The following MTREX variants were observed in gnomAD, a reference collection of about 807,000 sequenced individuals.
MTREX encodes exosome RNA helicase MTR4.
In MTREX, 76 loss-of-function variants were observed where a neutral mutation model predicts 135.4. The ratio of observed to expected loss-of-function variants is 0.56; its 90% CI spans 0.47 to 0.68. MTREX has a LOEUF of 0.68. MTREX is among the 30% of genes least tolerant of loss of function. The probability of loss-of-function intolerance (pLI) is 0.00; values close to 1 mark genes in which losing one functional copy is unlikely to be tolerated. For missense variants in MTREX, 920 were observed against 1,262.1 expected, an observed-to-expected ratio of 0.73 and a Z score of 4.11; for synonymous variants, 404 against 401.6, an observed-to-expected ratio of 1.01 and a Z score of -0.07.
intron 18 of MTREX, among the ~76,000 whole-genome samples, chr5:55,383,583 T>C (rs1750432029): frequency 6.6e-6 from 1 of 152,226 alleles, no homozygotes; most frequent in Non-Finnish European, 1.5e-5. Flanking sequence ...TTTTTTTCTC[T>C]TGCTGCTTTA....
chr5:55,364,064 G>C (rs369191452), intron 15 of MTREX, among the ~76,000 whole-genome samples: 1 of 152,190 alleles, frequency 6.6e-6, no homozygotes, highest in African/African-American at 2.4e-5. Context: ...CTTTATGGAG[G>C]AATGTAGGTG....
intron 3 of MTREX, among the ~76,000 whole-genome samples, chr5:55,325,118 A>C (rs912399329): frequency 5.1e-4 from 77 of 152,198 alleles, no homozygotes; most frequent in Non-Finnish European, 6.9e-4. Flanking sequence ...TATTATAAAC[A>C]TTATAGCAAG....
intron 5 of MTREX, among the ~76,000 whole-genome samples, chr5:55,330,166 A>G (rs184984121): frequency 4.6e-4 from 70 of 151,918 alleles, no homozygotes; most frequent in African/African-American, 1.5e-3. Flanking sequence ...TGCATTCTCA[A>G]ACTTGTGGGC....
chr5:55,348,609 A>C (rs1749776077), intron 11 of MTREX, among the ~76,000 whole-genome samples: 1 of 152,220 alleles, frequency 6.6e-6, no homozygotes, highest in Admixed American at 6.5e-5. Flanking sequence ...TGCATTTTAA[A>C]GCTAATTCCT....
chr5:55,424,164 A>T (rs573309041), intron 26 of MTREX: 3 of 152,154 alleles, frequency 2.0e-5, no homozygotes, highest in Admixed American at 6.5e-5. Context: ...GTGGAGACAG[A>T]GTTTCGCTCT....
At chr5:55,341,190 C>G (rs959407627) in intron 6 of MTREX, among the ~76,000 whole-genome samples, 1 of 152,024 alleles carries the variant, frequency 6.6e-6, no homozygotes, top group Admixed American at 6.6e-5. Flanking sequence ...TCATTAACTC[C>G]AAAAATTAGG....
chr5:55,394,498 C>T (rs1018671739), intron 19 of MTREX, among the ~76,000 whole-genome samples: 1 of 152,186 alleles, frequency 6.6e-6, no homozygotes, highest in African/African-American at 2.4e-5. Flanking sequence ...TGTCCCACCT[C>T]AGGTCATCAG....
At chr5:55,375,561 C>G (rs1219848623) in intron 16 of MTREX, among the ~76,000 whole-genome samples, 1 of 152,050 alleles carries the variant, frequency 6.6e-6, no homozygotes, top group Non-Finnish European at 1.5e-5. Context: ...GTTCTTTTTT[C>G]AAGGTGCCCA....
Position 55,402,820 on chromosome 5 carries a change from A to ATGTGTG in MTREX, c.2481+2400_2481+2401insGTGTGT, listed in dbSNP as rs1301938800. On this transcript the variant is annotated intron_variant, in intron 21 of 26. Transcript: ENST00000230640. The stretch of plus-strand genomic sequence containing the variant: ...CATGATATATAAATATAAGCACATT[A>ATGTGTG]TATGTGTGTGTGTGTGTGTGTATGT... Among the ~76,000 whole-genome samples, 320 of 33,804 alleles carry ATGTGTG rather than the reference A, an allele frequency of 9.5e-3. 2 individuals are homozygous for ATGTGTG. Among genetic ancestry groups the ATGTGTG allele is most frequent in the Admixed American group, 0.031 (68 of 2,218 alleles). 22.2% of individuals were successfully genotyped at this position (33,804 alleles called of 152,430 possible).
chr5:55,325,345 T>TG (rs988509534), intron 3 of MTREX, among the ~76,000 whole-genome samples: 26 of 150,488 alleles, frequency 1.7e-4, no homozygotes, highest in Admixed American at 1.4e-3. Context: ...TTTTGTTTTT[T>TG]TTTTTTTTAA....
In MTREX at chr5:55,416,008, C is replaced by T. The variant is rs1750960477; in HGVS notation, c.2847C>T (p.Ala949=). 1 of 1,595,108 alleles carries T rather than the reference C, an allele frequency of 6.3e-7. No homozygotes were observed. Among genetic ancestry groups the T allele is most frequent in the African/African-American group, 1.4e-5 (1 of 73,404 alleles). The change falls in exon 25 of 27, where the codon GCC becomes GCT. Residue 949 remains alanine, a synonymous_variant. Transcript: ENST00000230640. ...GAATTGCAAAAGTTTCAGCAGAAGC[C>T]AAATTGGAAATTGATGAGGAAACTT... ...AKRIAKVSAE[A]KLEIDEETYL...
intron 1 of MTREX, among the ~76,000 whole-genome samples, chr5:55,309,221 G>A (rs778522719): frequency 6.6e-6 from 1 of 152,148 alleles, no homozygotes; most frequent in Non-Finnish European, 1.5e-5. Context: ...CAAGAGATAA[G>A]ACTGGGAATA....
At chr5:55,368,294 C>CA (rs554064389) in intron 16 of MTREX, among the ~76,000 whole-genome samples, 2 of 151,610 alleles carry the variant, frequency 1.3e-5, no homozygotes, top group African/African-American at 2.4e-5. Flanking sequence ...ACTAAAAATA[C>CA]AAAAAAATTA....
At position 55,345,175 on chromosome 5, in the gene MTREX, G is replaced by A; in HGVS notation, c.1087G>A (p.Gly363Arg). ...TGATTTGGCCAAAGGAGACCAGAAA[G>A]GGCGGAAAGGAGGAACAAAAGGTAA... Reference protein sequence around the residue: ...AGDLAKGDQKGRKGGTKGPSN... With the variant: ...AGDLAKGDQKRRKGGTKGPSN... The change falls in exon 10 of 27, where the codon GGG (glycine) becomes AGG (arginine). Residue 363 changes from glycine to arginine, a missense_variant. This residue lies in a region of MTREX where 101 missense variants were observed against 119.1 expected (regional missense o/e 0.85). Transcript: ENST00000230640. The A allele has an allele frequency of 6.2e-7, 1 of 1,611,448 alleles. No homozygotes were observed. The highest frequency in any genetic ancestry group is 8.5e-7 in the Non-Finnish European group (1 of 1,177,998).
intron 21 of MTREX, among the ~76,000 whole-genome samples, chr5:55,403,459 A>G (rs1194575439): frequency 6.6e-6 from 1 of 152,248 alleles, no homozygotes; most frequent in Non-Finnish European, 1.5e-5. Flanking sequence ...AACTTCAGTA[A>G]TATTTTTATT....
chr5:55,312,869 G>T (rs1749137022), intron 1 of MTREX, among the ~76,000 whole-genome samples: 1 of 152,002 alleles, frequency 6.6e-6, no homozygotes, highest in Non-Finnish European at 1.5e-5. Flanking sequence ...GGATTTTCTG[G>T]ACTCACTATA....
rs548637073 is a variant in MTREX at position 55,337,161 on chromosome 5, A to G, written c.516-2849A>G. Among the ~76,000 whole-genome samples, 28 of 152,128 alleles carry G rather than the reference A, an allele frequency of 1.8e-4. No homozygotes were observed. In the South Asian group the frequency reaches 1.9e-3, roughly 10 times the overall value. On this transcript the variant is annotated intron_variant, in intron 5 of 26. Transcript: ENST00000230640. The stretch of plus-strand genomic sequence containing the variant: ...TTTATGAGACAGGGTCTTGCTGTCA[A>G]CCGGGTTGGAATGCAATGGCATAAT...
At chr5:55,366,686 T>G in intron 15 of MTREX, 39 bp from the exon 16 acceptor site, 1 of 1,474,580 alleles carries the variant, frequency 6.8e-7, no homozygotes, top group Non-Finnish European at 9.0e-7. Flanking sequence ...GTAAATTTAT[T>G]TGGAAAACTA....
At chr5:55,348,339 C>T (rs906428191) in intron 11 of MTREX, among the ~76,000 whole-genome samples, 1 of 152,136 alleles carries the variant, frequency 6.6e-6, no homozygotes, top group Non-Finnish European at 1.5e-5. Context: ...CATGAGGACC[C>T]TGTCTCTTAA....
Sources: allele counts gnomAD v4.1 joint callset (sites outside exome capture counted in the v4.1 genomes callset), GRCh38; gene constraint gnomAD v4.1.1; regional missense constraint gnomAD v4.1.1; transcripts MANE v1.5; gene names NCBI Gene and HGNC (gene_info 2026-07-23, HGNC 2026-07-21).